PAX5: variants seen among roughly 807,000 people sequenced by gnomAD.
The protein encoded by PAX5 is paired box 5.
In PAX5, 9 loss-of-function variants were observed where a neutral mutation model predicts 43.7. That is an observed-to-expected ratio of 0.21 (90% CI 0.12 to 0.36). PAX5 has a LOEUF of 0.36. Ranked by LOEUF, PAX5 falls within the 10% of genes least tolerant of loss-of-function variation. The pLI is 1.00. For missense variants in PAX5, 383 were observed against 532.7 expected, an observed-to-expected ratio of 0.72 and a Z score of 2.77; for synonymous variants, 228 against 214.3, an observed-to-expected ratio of 1.06 and a Z score of -0.56.
intron 7 of PAX5, among the ~76,000 whole-genome samples, chr9:36,890,730 C>T (rs940546075): frequency 1.3e-5 from 2 of 152,226 alleles, no homozygotes; most frequent in South Asian, 2.1e-4. Context: ...CCTCCACACT[C>T]TTGCCCACAG....
intron 5 of PAX5, among the ~76,000 whole-genome samples, chr9:36,986,787 A>T (rs10973156): frequency 0.64 from 96,495 of 151,908 alleles, 31,432 homozygotes; most frequent in South Asian, 0.81. Context: ...TCACGGTGGC[A>T]CCGCGGATCC....
At chr9:36,940,016 A>G (rs1831910879) in intron 6 of PAX5, among the ~76,000 whole-genome samples, 1 of 152,174 alleles carries the variant, frequency 6.6e-6, no homozygotes, top group African/African-American at 2.4e-5. Flanking sequence ...AAGGCTGCAA[A>G]TCCTGCAAGG....
intron 4 of PAX5, among the ~76,000 whole-genome samples, chr9:37,004,223 T>TG (rs1838189347): frequency 6.6e-6 from 1 of 152,042 alleles, no homozygotes; most frequent in African/African-American, 2.4e-5. Context: ...GGATGGGAGG[T>TG]GGGGGGCAAC....
chr9:36,913,385 C>T (rs925676910), intron 7 of PAX5, among the ~76,000 whole-genome samples: 9 of 152,250 alleles, frequency 5.9e-5, no homozygotes, highest in African/African-American at 2.2e-4. Flanking sequence ...GGCCCCATTC[C>T]TTTGTTCTCT....
chr9:36,937,428 T>C (rs763220924), intron 6 of PAX5, among the ~76,000 whole-genome samples: 2 of 152,122 alleles, frequency 1.3e-5, no homozygotes, highest in Non-Finnish European at 2.9e-5. Context: ...ATGAGAACAC[T>C]GAGGTTGACA....
intron 1 of PAX5, chr9:37,026,407 T>C (rs967490972): frequency 1.2e-6 from 1 of 858,310 alleles, no homozygotes; most frequent in African/African-American, 1.8e-5. Flanking sequence ...CCCTGCACTT[T>C]GCAAAGTTAG....
chr9:36,892,846 T>C (rs79359572), intron 7 of PAX5, among the ~76,000 whole-genome samples: 3,405 of 152,322 alleles, frequency 0.022, 104 homozygotes, highest in African/African-American at 0.076. Flanking sequence ...GGGAAACTAC[T>C]AAGTGAACAG....
chr9:36,992,319 G>A (rs896982302), intron 5 of PAX5, among the ~76,000 whole-genome samples: 10 of 152,264 alleles, frequency 6.6e-5, no homozygotes, highest in African/African-American at 1.7e-4. Flanking sequence ...CCAATCAATA[G>A]CATTGCTAGG....
chr9:36,937,327 TC>T (rs1301257101), intron 6 of PAX5, among the ~76,000 whole-genome samples: 3 of 152,162 alleles, frequency 2.0e-5, no homozygotes, highest in Admixed American at 2.0e-4. Flanking sequence ...CGTGTCCAGT[TC>T]ACCCCCCAGC....
At chr9:36,979,423 G>A (rs555108770) in intron 5 of PAX5, among the ~76,000 whole-genome samples, 2 of 152,246 alleles carry the variant, frequency 1.3e-5, no homozygotes, top group South Asian at 2.1e-4. Context: ...TACCTTATAG[G>A]GGCATATTCT....
intron 8 of PAX5, among the ~76,000 whole-genome samples, chr9:36,876,714 T>C (rs1348173826): frequency 6.6e-6 from 1 of 152,232 alleles, no homozygotes; most frequent in Non-Finnish European, 1.5e-5. Flanking sequence ...TCTAAGCTGA[T>C]ATAAGATGCT....
chr9:36,995,351 C>T (rs1474983952), intron 5 of PAX5, among the ~76,000 whole-genome samples: 1 of 152,136 alleles, frequency 6.6e-6, no homozygotes, highest in Admixed American at 6.5e-5. Flanking sequence ...TGGGCAATGG[C>T]CTGGAGACGG....
intron 6 of PAX5, among the ~76,000 whole-genome samples, chr9:36,927,430 T>G (rs1023324702): frequency 9.2e-5 from 14 of 152,244 alleles, no homozygotes; most frequent in Non-Finnish European, 1.8e-4. Context: ...TGGAAGAGGC[T>G]TATGTTGCTA....
At chr9:36,900,343 G>A (rs147959054) in intron 7 of PAX5, among the ~76,000 whole-genome samples, 60 of 152,298 alleles carry the variant, frequency 3.9e-4, no homozygotes, top group African/African-American at 1.3e-3. Flanking sequence ...GTCCAGCGAC[G>A]GTTGTGTGAA....
intron 7 of PAX5, among the ~76,000 whole-genome samples, chr9:36,901,354 G>A (rs371553615): frequency 6.6e-6 from 1 of 152,062 alleles, no homozygotes. Flanking sequence ...GTGCTCAAGT[G>A]TCACCTCCCT....
intron 6 of PAX5, among the ~76,000 whole-genome samples, chr9:36,950,985 G>A (rs534315988): frequency 9.9e-5 from 15 of 152,036 alleles, no homozygotes; most frequent in African/African-American, 3.1e-4. Context: ...CTCGTGATCC[G>A]CCCACCTCGG....
At chr9:37,024,677 A>T (rs1840147303) in intron 1 of PAX5, among the ~76,000 whole-genome samples, 1 of 152,096 alleles carries the variant, frequency 6.6e-6, no homozygotes, top group Non-Finnish European at 1.5e-5. Flanking sequence ...TGAAAATGGG[A>T]GGGAGCACTT....
intron 8 of PAX5, among the ~76,000 whole-genome samples, chr9:36,867,574 C>T (rs1485967346): frequency 6.6e-6 from 1 of 152,220 alleles, no homozygotes; most frequent in Non-Finnish European, 1.5e-5. Flanking sequence ...GTGAACAAGA[C>T]CCCACGATGG....
intron 5 of PAX5, among the ~76,000 whole-genome samples, chr9:36,969,658 T>C (rs985860599): frequency 3.9e-5 from 6 of 152,144 alleles, no homozygotes; most frequent in African/African-American, 7.2e-5. Flanking sequence ...TCTTTGAGAG[T>C]CAGCCATAGC....
Sources: gnomAD v4.1 joint callset for allele counts (sites outside exome capture counted in the v4.1 genomes callset) on GRCh38, gnomAD v4.1.1 for gene constraint, MANE v1.5 for transcripts, NCBI Gene and HGNC (gene_info 2026-07-23, HGNC 2026-07-21) for gene names.